Variants in GAS7 observed in about 807,000 individuals in gnomAD.
The protein encoded by GAS7 is growth arrest specific 7.
Under a neutral mutation model 71.1 loss-of-function variants are expected in GAS7, and 28 were observed. The ratio of observed to expected loss-of-function variants is 0.39; its 90% CI spans 0.29 to 0.54. The LOEUF (loss-of-function observed/expected upper bound fraction) is 0.54. GAS7 is among the 20% of genes least tolerant of loss of function. GAS7 has a pLI of 0.62. For synonymous variants in GAS7, 258 were observed against 245.8 expected (o/e 1.05, Z -0.46); for missense variants, 436 against 627.8 (o/e 0.69, Z 3.27).
intron 1 of GAS7, among the ~76,000 whole-genome samples, chr17:10,020,865 A>T (rs2072240043): frequency 6.6e-6 from 1 of 152,200 alleles, no homozygotes; most frequent in South Asian, 2.1e-4. Context: ...GTGAGCAGAG[A>T]TCGCACCACT....
intron 1 of GAS7, among the ~76,000 whole-genome samples, chr17:10,056,212 T>C (rs1425464889): frequency 6.6e-6 from 1 of 152,034 alleles, no homozygotes; most frequent in African/African-American, 2.4e-5. Flanking sequence ...ATGTAAACAT[T>C]AGCCAGGCAT....
chr17:10,020,724 C>A (rs1299307663), intron 1 of GAS7, among the ~76,000 whole-genome samples: 1 of 152,074 alleles, frequency 6.6e-6, no homozygotes, highest in African/African-American at 2.4e-5. Context: ...CCAGCCTGGG[C>A]AACACGGTGA....
intron 1 of GAS7, among the ~76,000 whole-genome samples, chr17:10,190,944 G>C (rs2074493859): frequency 6.6e-6 from 1 of 151,980 alleles, no homozygotes; most frequent in Non-Finnish European, 1.5e-5. Context: ...GGGAGGCCAA[G>C]GCAGGTGGAT....
At chr17:9,983,649 G>A (rs2070524563) in intron 2 of GAS7, among the ~76,000 whole-genome samples, 2 of 151,676 alleles carry the variant, frequency 1.3e-5, no homozygotes, top group African/African-American at 2.4e-5. Flanking sequence ...TTAGCTGGGC[G>A]CGATGGTGTG....
chr17:10,059,559 T>C (rs2073194924), intron 1 of GAS7: 1 of 269,136 alleles, frequency 3.7e-6, no homozygotes, highest in African/African-American at 2.3e-5. Flanking sequence ...AGCCAAACCC[T>C]AGCCAAGCAA....
chr17:10,020,712 G>A (rs1303438819), intron 1 of GAS7, among the ~76,000 whole-genome samples: 6 of 152,032 alleles, frequency 3.9e-5, no homozygotes, highest in Non-Finnish European at 2.9e-5. Flanking sequence ...AGGAGTTCGC[G>A]ACCAGCCTGG....
At chr17:10,190,389 C>T (rs2142153509) in intron 1 of GAS7, among the ~76,000 whole-genome samples, 1 of 151,966 alleles carries the variant, frequency 6.6e-6, no homozygotes. Flanking sequence ...TTGAGTCCAG[C>T]CTGACCAGCG....
At position 9,913,962 on chromosome 17, in the gene GAS7, C is replaced by A. The variant is rs1226924089; in HGVS notation, c.*3266G>T. On this transcript the variant is annotated 3_prime_UTR_variant, in exon 14 of 14. Transcript: ENST00000432992. ...GGACATTCTCAAGAATAGCCCAGAC[C>A]CGCCCACTTTGAATAAACCCAGCTA... The A allele has an allele frequency of 1.7e-5, 4 of 232,114 alleles. No individual in the cohort carries two copies. Among genetic ancestry groups the A allele is most frequent in the African/African-American group, 8.8e-5 (4 of 45,234 alleles). The allele number at this position is 232,114 out of a possible 1,614,324, so 14.4% of individuals were successfully genotyped here.
chr17:10,191,126 G>A (rs1439752546), intron 1 of GAS7, among the ~76,000 whole-genome samples: 1 of 151,556 alleles, frequency 6.6e-6, no homozygotes, highest in African/African-American at 2.4e-5. Flanking sequence ...AGTGAGCCGA[G>A]ATCACGCCAT....
intron 9 of GAS7, among the ~76,000 whole-genome samples, chr17:9,931,994 G>A (rs574596392): frequency 4.6e-5 from 7 of 152,284 alleles, no homozygotes; most frequent in Admixed American, 3.3e-4. Flanking sequence ...ACCAGTGAGT[G>A]CTGAACGTGG....
In GAS7 at chr17:9,974,704, G is replaced by T. The variant is rs1041663057; in HGVS notation, c.386-4942C>A. Among the ~76,000 whole-genome samples, 1 of 152,070 alleles carries T rather than the reference G, an allele frequency of 6.6e-6. No homozygotes were observed. The highest frequency in any genetic ancestry group is 1.5e-5 in the Non-Finnish European group (1 of 68,024). Reference sequence around the variant, plus strand: ...CTTAGGAGGTGTCTAATGAGAGGAGGGGACAGATATTTGGGTAGAAAAGAG... The same window carrying T: ...CTTAGGAGGTGTCTAATGAGAGGAGTGGACAGATATTTGGGTAGAAAAGAG... On this transcript the variant is annotated intron_variant, in intron 3 of 13. Coordinates refer to ENST00000432992, the MANE Select transcript of GAS7 (RefSeq NM_201433.2). This position sits in a 1 kb window ranked among gnomAD's most constrained non-coding sequence, Gnocchi z 4.0.
intron 4 of GAS7, among the ~76,000 whole-genome samples, chr17:9,960,691 G>A (rs550631964): frequency 2.0e-4 from 30 of 152,306 alleles, no homozygotes; most frequent in Admixed American, 1.3e-4. Context: ...TCAGAAACCC[G>A]TCAGCAAATT....
chr17:10,004,379 T>A (rs2071386222), intron 2 of GAS7, among the ~76,000 whole-genome samples: 2 of 152,122 alleles, frequency 1.3e-5, no homozygotes, highest in South Asian at 4.1e-4. Flanking sequence ...TACTAGGAGT[T>A]TCACTGACTC....
At chr17:9,931,503 C>T (rs1279894532) in intron 9 of GAS7, among the ~76,000 whole-genome samples, 1 of 152,198 alleles carries the variant, frequency 6.6e-6, no homozygotes, top group Non-Finnish European at 1.5e-5. Flanking sequence ...CCAGGATCTT[C>T]CCAGTCAATG....
intron 2 of GAS7, among the ~76,000 whole-genome samples, chr17:10,010,995 C>T (rs1383919929): frequency 6.6e-6 from 1 of 152,180 alleles, no homozygotes; most frequent in Non-Finnish European, 1.5e-5. Flanking sequence ...GAATTTGGCC[C>T]ATAGGCCACA....
chr17:10,042,137 A>G (rs1216434027), intron 1 of GAS7, among the ~76,000 whole-genome samples: 6 of 152,064 alleles, frequency 3.9e-5, no homozygotes, highest in Admixed American at 6.5e-5. Flanking sequence ...TCTATTAAAA[A>G]TACGAAAATT....
Position 10,034,143 on chromosome 17 carries a change from G to T in GAS7, c.184-14246C>A. On this transcript the variant is annotated intron_variant, in intron 1 of 13. Coordinates refer to ENST00000432992, the MANE Select transcript of GAS7 (RefSeq NM_201433.2). The surrounding 1 kb of genome is among the most constrained non-coding windows in gnomAD (Gnocchi z 4.4). ...CTGTGCCACCGTGCGAAGAACACAG[G>T]ATGGGAATCGGAGCTGGTAAAGCTG... 3 of 985,138 alleles carry T rather than the reference G, an allele frequency of 3.0e-6. No homozygotes were observed. The highest frequency in any genetic ancestry group is 3.6e-6 in the Non-Finnish European group (3 of 829,684). 61.0% of individuals were successfully genotyped at this position (985,138 alleles called of 1,614,324 possible).
At chr17:10,153,707 T>A (rs1022773627) in intron 1 of GAS7, among the ~76,000 whole-genome samples, 12 of 152,196 alleles carry the variant, frequency 7.9e-5, no homozygotes, top group African/African-American at 2.9e-4. Flanking sequence ...AGTCCCACTA[T>A]CATGCCCATT....
Position 9,979,861 on chromosome 17 carries a change from T to TAA in GAS7, c.385+1942_385+1943insTT, listed in dbSNP as rs1567849324. On this transcript the variant is annotated intron_variant, in intron 3 of 13. Coordinates refer to ENST00000432992, the MANE Select transcript of GAS7 (RefSeq NM_201433.2). ...CATTCGCACTGGCATTTTGATTGTT[T>TAA]TAAAAAAAAAAAAAAACACAAGAAC... Among the ~76,000 whole-genome samples the TAA allele has an allele frequency of 2.2e-3, 291 of 134,864 alleles. 1 individual carries two copies. The highest frequency in any genetic ancestry group is 7.5e-3 in the African/African-American group (273 of 36,500). 88.5% of individuals were successfully genotyped at this position (134,864 alleles called of 152,430 possible).
Sources: allele counts gnomAD v4.1 joint callset (sites outside exome capture counted in the v4.1 genomes callset), GRCh38; gene constraint gnomAD v4.1.1; non-coding constraint Gnocchi (gnomAD v3.1); transcripts MANE v1.5; gene names NCBI Gene and HGNC (gene_info 2026-07-23, HGNC 2026-07-21).